PDXDC1: variants seen among roughly 807,000 people sequenced by gnomAD.
PDXDC1 encodes pyridoxal dependent decarboxylase domain containing 1.
In PDXDC1, 42 loss-of-function variants were observed where a neutral mutation model predicts 100.1. The ratio of observed to expected loss-of-function variants is 0.42; its 90% CI spans 0.33 to 0.54. The LOEUF (loss-of-function observed/expected upper bound fraction) is 0.54. PDXDC1 is among the 20% of genes least tolerant of loss of function. The probability of loss-of-function intolerance (pLI) is 0.10; values close to 1 mark genes in which losing one functional copy is unlikely to be tolerated. For synonymous variants in PDXDC1, 260 were observed against 371.7 expected (o/e 0.70, Z 3.46); for missense variants, 636 against 979.2 (o/e 0.65, Z 4.68).
intron 16 of PDXDC1, among the ~76,000 whole-genome samples, chr16:15,124,314 A>G (rs1253439544): frequency 1.3e-5 from 2 of 152,192 alleles, no homozygotes; most frequent in African/African-American, 4.8e-5. Context: ...GAGTGTGCCC[A>G]AACTCTCTCA....
At chr16:15,110,810 C>G (rs2151871026) in intron 16 of PDXDC1, 1 of 1,575,626 alleles carries the variant, frequency 6.3e-7, no homozygotes, top group East Asian at 2.2e-5. Context: ...AGATAGTCTT[C>G]AGGAAAGACA....
Position 15,033,278 on chromosome 16 carries a change from G to A in PDXDC1, c.1691G>A (p.Gly564Asp). The change falls in exon 19 of 23, where the codon GGC (glycine) becomes GAC (aspartate). Residue 564 changes from glycine to aspartate, a missense_variant and splice_region_variant. Around this residue, in one of 4 missense-constraint regions of PDXDC1, gnomAD observed 452 missense variants for 402.9 expected, o/e 1.12. Coordinates refer to ENST00000396410, the MANE Select transcript of PDXDC1 (RefSeq NM_015027.4). ...CAAGTTTGTCTCGTTACCTTTGCAGGCCCTGAGTATAAGAGCATGAAGAGC... is the reference window on the plus strand; with the variant it reads ...CAAGTTTGTCTCGTTACCTTTGCAGACCCTGAGTATAAGAGCATGAAGAGC... Reference protein sequence around the residue: ...ELESDLTFKIGPEYKSMKSCL... With the variant: ...ELESDLTFKIDPEYKSMKSCL... 2 of 1,614,138 alleles carry A rather than the reference G, an allele frequency of 1.2e-6. No homozygotes were observed. The highest frequency in any genetic ancestry group is 1.7e-6 in the Non-Finnish European group (2 of 1,179,996).
chr16:15,129,199 T>C (rs1378963625), intron 16 of PDXDC1, among the ~76,000 whole-genome samples: 1 of 151,498 alleles, frequency 6.6e-6, no homozygotes, highest in African/African-American at 2.4e-5. Flanking sequence ...CCAGGTGTGG[T>C]GGCTCACACC....
At chr16:15,071,642 C>G (rs913514752) in intron 16 of PDXDC1, among the ~76,000 whole-genome samples, 1 of 152,190 alleles carries the variant, frequency 6.6e-6, no homozygotes, top group Non-Finnish European at 1.5e-5. Context: ...GTGGCAGGTG[C>G]CTGTAATCCC....
In PDXDC1 at chr16:15,094,446, G is replaced by T. The variant is rs186124306; in HGVS notation, c.1400-44433G>T. 3.8e-4 allele frequency: 225 copies of T among 589,182 alleles called. 1 individual carries two copies. The African/African-American group carries it at 4.0e-3, about 10-fold the overall frequency. 36.5% of individuals were successfully genotyped at this position (589,182 alleles called of 1,614,324 possible). A position where few individuals can be genotyped will look rare whatever the true frequency, so the allele number is the denominator to read the frequency against. On this transcript the variant is annotated intron_variant, in intron 16 of 16. Transcript: ENST00000535621. ...CTTGTTCCAGCCAGCGCTAGTGCGT[G>T]AGTATAAGGAGAGACGGGAAGGACC...
chr16:15,012,362 C>T (rs1433284718), intron 8 of PDXDC1, among the ~76,000 whole-genome samples: 14 of 152,404 alleles, frequency 9.2e-5, no homozygotes, highest in Non-Finnish European at 1.5e-5. Flanking sequence ...GCCTTGGCCT[C>T]CCAAAGTGCT....
intron 16 of PDXDC1, among the ~76,000 whole-genome samples, chr16:15,129,609 G>T (rs1405537290): frequency 1.3e-5 from 2 of 152,234 alleles, no homozygotes; most frequent in African/African-American, 4.8e-5. Flanking sequence ...CAGTGGTAGC[G>T]ATGCTCATGT....
downstream of PDXDC1, among the ~76,000 whole-genome samples, chr16:15,143,670 G>A (rs537150719): frequency 6.6e-6 from 1 of 152,356 alleles, no homozygotes; most frequent in East Asian, 1.9e-4. Flanking sequence ...TGGGCCGGGG[G>A]AGCCGGGGTC....
At chr16:15,151,977 T>C in the PDXDC1 span, among the ~76,000 whole-genome samples, 3 of 83,770 alleles carry the variant, frequency 3.6e-5, no homozygotes, top group Admixed American at 1.3e-4. Flanking sequence ...AGGGGAAGGG[T>C]CGGGGCAGGG....
At chr16:15,038,339 C>A, downstream of PDXDC1, 1 of 703,456 alleles carries the variant, frequency 1.4e-6, no homozygotes, top group South Asian at 2.1e-5. Flanking sequence ...ATGAGGTGGC[C>A]TGAATTAGTA....
chr16:15,084,755 C>A (rs373009083), intron 16 of PDXDC1: 82 of 1,126,542 alleles, frequency 7.3e-5, no homozygotes, highest in Middle Eastern at 2.0e-4. Flanking sequence ...AACTGAAGGG[C>A]GACACGCTTG....
chr16:15,146,445 T>C, the PDXDC1 span, among the ~76,000 whole-genome samples: 1 of 152,136 alleles, frequency 6.6e-6, no homozygotes, highest in Non-Finnish European at 1.5e-5. Flanking sequence ...GTGAGGACGA[T>C]ACTCGCGGCT....
chr16:15,137,354 C>G, intron 16 of PDXDC1: 1 of 1,515,100 alleles, frequency 6.6e-7, no homozygotes, highest in East Asian at 2.5e-5. Context: ...GAAGGAGGCA[C>G]TAGAGGGCTG....
chr16:15,098,323 C>G (rs1369280029), intron 16 of PDXDC1, among the ~76,000 whole-genome samples: 1 of 151,324 alleles, frequency 6.6e-6, no homozygotes, highest in Non-Finnish European at 1.5e-5. Flanking sequence ...GCCTCAGCCT[C>G]CTGAGTAGCT....
At chr16:15,087,988 C>T (rs2045975034) in intron 16 of PDXDC1, among the ~76,000 whole-genome samples, 1 of 152,050 alleles carries the variant, frequency 6.6e-6, no homozygotes, top group Non-Finnish European at 1.5e-5. Context: ...GTGGTGCATG[C>T]CCGTAATCCC....
At chr16:15,082,803 T>C (rs945089610) in intron 16 of PDXDC1, among the ~76,000 whole-genome samples, 3 of 152,196 alleles carry the variant, frequency 2.0e-5, no homozygotes, top group Admixed American at 6.5e-5. Context: ...TATTAAAAAC[T>C]GCACAGATGA....
At chr16:15,093,636 G>C (rs2046230382) in intron 16 of PDXDC1, among the ~76,000 whole-genome samples, 1 of 152,214 alleles carries the variant, frequency 6.6e-6, no homozygotes, top group Admixed American at 6.5e-5. Context: ...AAAAAACATA[G>C]CATCCTAATG....
intron 16 of PDXDC1, among the ~76,000 whole-genome samples, chr16:15,078,812 CTTT>C (rs5816111): frequency 1.6e-4 from 19 of 117,652 alleles, no homozygotes; most frequent in Admixed American, 1.8e-4. Flanking sequence ...GTATTTTTTT[CTTT>C]TTTTTTTTTT....
At chr16:15,146,055 G>C in the PDXDC1 span, among the ~76,000 whole-genome samples, 1,088 of 152,242 alleles carry the variant, frequency 7.1e-3, 9 homozygotes, top group Non-Finnish European at 9.3e-3. Flanking sequence ...CCATACCCTA[G>C]GGGACCCAGG....
Sources: gnomAD v4.1 joint callset for allele counts (sites outside exome capture counted in the v4.1 genomes callset) on GRCh38, gnomAD v4.1.1 for gene constraint, gnomAD v4.1.1 regional missense constraint, MANE v1.5 for transcripts, NCBI Gene and HGNC (gene_info 2026-07-23, HGNC 2026-07-21) for gene names.